CAMK1D: variants seen among roughly 807,000 people sequenced by gnomAD.
CAMK1D encodes the protein calcium/calmodulin-dependent protein kinase type 1D.
A neutral mutation model predicts 47.7 loss-of-function variants in CAMK1D; 9 were observed. The ratio of observed to expected loss-of-function variants is 0.19; its 90% CI spans 0.11 to 0.33. The LOEUF (loss-of-function observed/expected upper bound fraction) is 0.33. Among genes scored for constraint, CAMK1D ranks in the 10% least tolerant of loss-of-function variants. The pLI, the probability that CAMK1D is intolerant of heterozygous loss-of-function variation, is 1.00. For missense variants in CAMK1D, 291 were observed against 488.7 expected (o/e 0.60, Z 3.81); for synonymous variants, 184 against 184.9 (o/e 0.99, Z 0.04).
chr10:12,743,346 CAA>C (rs199673328), intron 3 of CAMK1D, among the ~76,000 whole-genome samples: 6 of 92,370 alleles, frequency 6.5e-5, no homozygotes, highest in Admixed American at 1.1e-4. Context: ...GACCCTGTCT[CAA>C]AAAAAAAAAA....
chr10:12,447,283 C>G (rs1832950645), intron 1 of CAMK1D, among the ~76,000 whole-genome samples: 1 of 152,210 alleles, frequency 6.6e-6, no homozygotes, highest in Non-Finnish European at 1.5e-5. Flanking sequence ...CCATGTCACT[C>G]TTTCTGCAGA....
intron 1 of CAMK1D, among the ~76,000 whole-genome samples, chr10:12,522,942 C>A (rs549662614): frequency 9.8e-6 from 1 of 102,182 alleles, no homozygotes; most frequent in East Asian, 2.6e-4. Context: ...GCCTCCCAGA[C>A]GGGGCGGCTG....
At chr10:12,442,650 G>A (rs981977856) in intron 1 of CAMK1D, among the ~76,000 whole-genome samples, 1 of 152,154 alleles carries the variant, frequency 6.6e-6, no homozygotes, top group Non-Finnish European at 1.5e-5. Flanking sequence ...CAGCTTGAAA[G>A]ACTTTCTAGA....
At chr10:12,733,105 C>A (rs979078644) in intron 3 of CAMK1D, among the ~76,000 whole-genome samples, 15 of 152,224 alleles carry the variant, frequency 9.9e-5, no homozygotes, top group Admixed American at 9.2e-4. Flanking sequence ...GCCTCCAGTC[C>A]AGAGCAAAGT....
chr10:12,801,414 T>C lies in CAMK1D; in HGVS notation c.641+10181T>C, dbSNP rs548204026. Among the ~76,000 whole-genome samples, 4 of 137,274 alleles carry C rather than the reference T, an allele frequency of 2.9e-5. No individual in the cohort carries two copies. The South Asian group carries it at 9.0e-4, about 31-fold the overall frequency. The allele number at this position is 137,274 out of a possible 152,430, so 90.1% of individuals were successfully genotyped here. A position where few individuals can be genotyped will look rare whatever the true frequency, so the allele number is the denominator to read the frequency against. On this transcript the variant is annotated intron_variant, in intron 6 of 10. Coordinates refer to ENST00000619168, the MANE Select transcript of CAMK1D (RefSeq NM_153498.4). ...TCTATCCATCCATCTGTCCATCTCATTCATCAACCCATCCTTCCATTCATC... is the reference window on the plus strand; with the variant it reads ...TCTATCCATCCATCTGTCCATCTCACTCATCAACCCATCCTTCCATTCATC...
intron 1 of CAMK1D, among the ~76,000 whole-genome samples, chr10:12,387,171 T>C (rs1838521337): frequency 6.8e-6 from 1 of 146,724 alleles, no homozygotes; most frequent in Non-Finnish European, 1.5e-5. Flanking sequence ...ACCACTGCCC[T>C]CCAGCCTGGG....
intron 2 of CAMK1D, among the ~76,000 whole-genome samples, chr10:12,566,497 G>A (rs192665400): frequency 7.2e-5 from 11 of 152,286 alleles, no homozygotes; most frequent in Admixed American, 2.6e-4. Context: ...TTATCTGACC[G>A]TCTGCTTCTC....
Position 12,749,443 on chromosome 10 carries a change from T to TAAA in CAMK1D, c.300-11486_300-11484dup, listed in dbSNP as rs60406640. On this transcript the variant is annotated intron_variant, in intron 3 of 10. Coordinates refer to ENST00000619168, the MANE Select transcript of CAMK1D (RefSeq NM_153498.4). ...GATGAATGTGTAGGTGCTAGAAAGTTAAAAAAAAAAAAAAAAAAAAAGAAA... is the reference window on the plus strand; with the variant it reads ...GATGAATGTGTAGGTGCTAGAAAGTTAAAAAAAAAAAAAAAAAAAAAAAAGAAA... Among the ~76,000 whole-genome samples, 156 of 119,254 alleles carry TAAA rather than the reference T, an allele frequency of 1.3e-3. 3 individuals are homozygous for TAAA. Among genetic ancestry groups the TAAA allele is most frequent in the African/African-American group, 2.9e-3 (97 of 33,214 alleles). The allele number at this position is 119,254 out of a possible 152,430, so 78.2% of individuals were successfully genotyped here.
At chr10:12,437,624 G>A (rs1832674272) in intron 1 of CAMK1D, among the ~76,000 whole-genome samples, 1 of 152,150 alleles carries the variant, frequency 6.6e-6, no homozygotes, top group Admixed American at 6.5e-5. Context: ...CCAGCAGAGC[G>A]GGGCATTTTG....
chr10:12,786,101 G>T (rs1837712850), intron 5 of CAMK1D, among the ~76,000 whole-genome samples: 1 of 152,160 alleles, frequency 6.6e-6, no homozygotes, highest in African/African-American at 2.4e-5. Context: ...TGTTTCAAAG[G>T]ACCCTTGATT....
intron 1 of CAMK1D, among the ~76,000 whole-genome samples, chr10:12,528,635 A>G (rs1835703544): frequency 6.6e-6 from 1 of 152,016 alleles, no homozygotes; most frequent in Non-Finnish European, 1.5e-5. Flanking sequence ...TCACACCCTC[A>G]TGGGTAGGAA....
At chr10:12,550,053 G>A (rs1836527710) in intron 1 of CAMK1D, among the ~76,000 whole-genome samples, 1 of 152,238 alleles carries the variant, frequency 6.6e-6, no homozygotes, top group Admixed American at 6.5e-5. Context: ...AGGAGCACCT[G>A]TGGATGGAGA....
intron 2 of CAMK1D, among the ~76,000 whole-genome samples, chr10:12,657,838 C>T (rs1208040308): frequency 6.6e-6 from 1 of 152,164 alleles, no homozygotes; most frequent in African/African-American, 2.4e-5. Context: ...CAATGCAGTA[C>T]AGACAGCAAG....
chr10:12,818,008 C>T lies in CAMK1D; in HGVS notation c.833+1680C>T, dbSNP rs190740792. Among the ~76,000 whole-genome samples the T allele has an allele frequency of 2.0e-3, 300 of 152,214 alleles. 1 individual carries two copies. The highest frequency in any genetic ancestry group is 6.8e-3 in the African/African-American group (284 of 41,526). On this transcript the variant is annotated intron_variant, in intron 8 of 10. Transcript: ENST00000619168. ...TGGCCTGTAGTGATTGTTATGTAAG[C>T]ACCACGAGCATCCATTGTGAAACAA...
intron 2 of CAMK1D, among the ~76,000 whole-genome samples, chr10:12,610,673 A>T (rs1203316222): frequency 1.3e-5 from 2 of 152,202 alleles, no homozygotes; most frequent in Non-Finnish European, 2.9e-5. Flanking sequence ...TCACAGTGGA[A>T]GGTGACTTTT....
chr10:12,695,682 A>G (rs980734275), intron 3 of CAMK1D, among the ~76,000 whole-genome samples: 1 of 152,170 alleles, frequency 6.6e-6, no homozygotes, highest in East Asian at 1.9e-4. Flanking sequence ...GTTACTAATG[A>G]CCATGTTTTG....
intron 2 of CAMK1D, among the ~76,000 whole-genome samples, chr10:12,558,687 G>A (rs1293122789): frequency 3.3e-5 from 5 of 152,100 alleles, no homozygotes; most frequent in Non-Finnish European, 1.5e-5. Context: ...GGAAAGTGGG[G>A]GCTGAGAGAA....
At chr10:12,666,861 T>C in intron 3 of CAMK1D, 51 bp downstream of exon 3, 1 of 1,388,960 alleles carries the variant, frequency 7.2e-7, no homozygotes, top group East Asian at 2.3e-5. Flanking sequence ...CAAACTCCAA[T>C]GTCTAAAGGG....
chr10:12,695,349 C>G (rs1373617079), intron 3 of CAMK1D, among the ~76,000 whole-genome samples: 1 of 152,102 alleles, frequency 6.6e-6, no homozygotes, highest in Non-Finnish European at 1.5e-5. Flanking sequence ...CCAATATGGG[C>G]TGCACATTGT....
Sources: gnomAD v4.1 joint callset for allele counts (sites outside exome capture counted in the v4.1 genomes callset) on GRCh38, gnomAD v4.1.1 for gene constraint, MANE v1.5 for transcripts, NCBI Gene and HGNC (gene_info 2026-07-23, HGNC 2026-07-21) for gene names.